The following CCDC25 variants were observed in gnomAD, a reference collection of about 807,000 sequenced individuals.
CCDC25 encodes coiled-coil domain-containing protein 25.
In CCDC25, 16 loss-of-function variants were observed where a neutral mutation model predicts 35.3. The observed-to-expected ratio is 0.45, with a 90% CI of 0.31 to 0.69. The LOEUF is 0.69. CCDC25 is among the 30% of genes least tolerant of loss of function. The pLI is 0.06. For synonymous variants in CCDC25, 79 were observed against 80.3 expected (o/e 0.98, Z 0.09); for missense variants, 179 against 250.7 (o/e 0.71, Z 1.93).
At chr8:27,738,896 T>G (rs1283281698) in intron 8 of CCDC25, among the ~76,000 whole-genome samples, 2 of 152,082 alleles carry the variant, frequency 1.3e-5, no homozygotes, top group Non-Finnish European at 2.9e-5. Context: ...ATCTCATCTT[T>G]TCATAATGAT....
In CCDC25 at chr8:27,772,623, C is replaced by T; in HGVS notation, c.-83G>A. 1 of 1,422,044 alleles carries T rather than the reference C, an allele frequency of 7.0e-7. No individual in the cohort carries two copies. The highest frequency in any genetic ancestry group is 9.6e-7 in the Non-Finnish European group (1 of 1,036,520). 88.1% of individuals were successfully genotyped at this position (1,422,044 alleles called of 1,614,324 possible). ...CTCAGGATACCAGACTCGCGGCGGC[C>T]GCCTGGCCCCCGGAACTCCTCCGTG... On this transcript the variant is annotated 5_prime_UTR_variant, in exon 1 of 9. Coordinates refer to ENST00000356537, the MANE Select transcript of CCDC25 (RefSeq NM_018246.3).
intron 3 of CCDC25, 146 bp downstream of exon 3, chr8:27,762,272 AT>A (rs1299555038): frequency 1.5e-6 from 1 of 686,618 alleles, no homozygotes; most frequent in African/African-American, 1.9e-5. Context: ...TTGCAAGGTA[AT>A]TAGAAATGAA....
At chr8:27,771,674 C>A (rs1398770470) in intron 1 of CCDC25, among the ~76,000 whole-genome samples, 1 of 152,146 alleles carries the variant, frequency 6.6e-6, no homozygotes, top group Non-Finnish European at 1.5e-5. Context: ...AAGCAGACAC[C>A]ATTTAATACC....
chr8:27,741,905 G>C (rs919242668), intron 7 of CCDC25, among the ~76,000 whole-genome samples: 2 of 152,124 alleles, frequency 1.3e-5, no homozygotes, highest in Non-Finnish European at 2.9e-5. Flanking sequence ...GAGATAAGAA[G>C]ATATGCCAGG....
intron 3 of CCDC25, among the ~76,000 whole-genome samples, chr8:27,759,487 T>TA (rs111992065): frequency 3.3e-5 from 5 of 151,782 alleles, no homozygotes; most frequent in African/African-American, 1.2e-4. Flanking sequence ...CGGGAGCCTG[T>TA]AGTCCCAGCT....
At chr8:27,749,549 G>A (rs185428487) in intron 5 of CCDC25, among the ~76,000 whole-genome samples, 71 of 152,302 alleles carry the variant, frequency 4.7e-4, no homozygotes, top group African/African-American at 1.7e-3. Flanking sequence ...CTGTGGGTTA[G>A]TAATCCCATT....
At chr8:27,760,761 A>G (rs975606787) in intron 3 of CCDC25, among the ~76,000 whole-genome samples, 1 of 152,208 alleles carries the variant, frequency 6.6e-6, no homozygotes, top group Non-Finnish European at 1.5e-5. Flanking sequence ...GTTTAACTTG[A>G]TGACATATTT....
rs369943638 is a variant in CCDC25 at position 27,748,147 on chromosome 8, C to G, written c.481G>C (p.Ala161Pro). ...CTCTTTTTCATTTCCTGAATTTGGG[C>G]TTTTTTCTCATTCCTCTCTTCACGA... Reference protein sequence around the residue: ...RDREERNEKKAQIQEMKKREK... With the variant: ...RDREERNEKKPQIQEMKKREK... The change falls in exon 7 of 9, where the codon GCC (alanine) becomes CCC (proline). Residue 161 changes from alanine (A) to proline (P), a missense_variant. Coordinates refer to ENST00000356537, the MANE Select transcript of CCDC25 (RefSeq NM_018246.3). 6.2e-7 allele frequency: 1 copy of G among 1,613,460 alleles called. No individual in the cohort carries two copies. The highest frequency in any genetic ancestry group is 1.7e-5 in the Admixed American group (1 of 59,944).
intron 8 of CCDC25, among the ~76,000 whole-genome samples, chr8:27,736,989 C>G (rs1452915383): frequency 1.3e-5 from 2 of 152,146 alleles, no homozygotes; most frequent in Non-Finnish European, 2.9e-5. Flanking sequence ...TATCTTTTTT[C>G]TCTTTCCCAT....
rs1804265048 is a variant in CCDC25 at position 27,762,578 on chromosome 8, A to G, written c.77-120T>C. 2.5e-5 allele frequency: 20 copies of G among 788,100 alleles called. No homozygotes were observed. The South Asian group carries it at 3.0e-4, about 12-fold the overall frequency. 48.8% of individuals were successfully genotyped at this position (788,100 alleles called of 1,614,324 possible). A position where few individuals can be genotyped will look rare whatever the true frequency, so the allele number is the denominator to read the frequency against. On this transcript the variant is annotated intron_variant, in intron 2 of 8. Transcript: ENST00000356537. ...AAATTTCTCTCTCCCTCAATGAAGA[A>G]GAGTAATTCGGAGGCCTTGATGCTT...
chr8:27,741,631 T>C (rs1049365992), intron 7 of CCDC25, among the ~76,000 whole-genome samples: 3 of 152,080 alleles, frequency 2.0e-5, no homozygotes, highest in Non-Finnish European at 2.9e-5. Context: ...TGAGCTGAGA[T>C]TGCACCACTG....
At chr8:27,763,545 C>T (rs1024953583) in intron 2 of CCDC25, among the ~76,000 whole-genome samples, 3 of 152,072 alleles carry the variant, frequency 2.0e-5, no homozygotes, top group Non-Finnish European at 4.4e-5. Context: ...TGGTGAAACC[C>T]CATCTCCACT....
chr8:27,747,322 T>C (rs553556787), intron 7 of CCDC25, among the ~76,000 whole-genome samples: 61 of 152,224 alleles, frequency 4.0e-4, no homozygotes, highest in African/African-American at 1.4e-3. Context: ...GCTGTGACCA[T>C]GGAAAGCTTG....
intron 1 of CCDC25, among the ~76,000 whole-genome samples, chr8:27,770,467 G>A (rs1201133698): frequency 2.0e-5 from 3 of 151,636 alleles, no homozygotes; most frequent in Admixed American, 2.0e-4. Context: ...ACCGGGCGCA[G>A]TGGCTCATGC....
chr8:27,761,365 T>G (rs1032348757), intron 3 of CCDC25, among the ~76,000 whole-genome samples: 9 of 152,176 alleles, frequency 5.9e-5, no homozygotes, highest in Admixed American at 5.2e-4. Flanking sequence ...GCAGACCCAG[T>G]CAGTTTCTCT....
intron 7 of CCDC25, among the ~76,000 whole-genome samples, chr8:27,743,302 C>T (rs1006057835): frequency 6.6e-6 from 1 of 152,230 alleles, no homozygotes; most frequent in Admixed American, 6.5e-5. Context: ...CCTTTACAAT[C>T]AGGTCAGCAA....
intron 8 of CCDC25, among the ~76,000 whole-genome samples, chr8:27,738,885 C>T (rs897632813): frequency 6.6e-6 from 1 of 152,126 alleles, no homozygotes. Context: ...GGATTAAACA[C>T]ATCTCATCTT....
intron 3 of CCDC25, among the ~76,000 whole-genome samples, chr8:27,758,040 T>G (rs764864545): frequency 8.5e-5 from 13 of 152,318 alleles, no homozygotes; most frequent in Non-Finnish European, 1.5e-4. Flanking sequence ...ATGCTTCCTG[T>G]ATAGCCTGCC....
chr8:27,765,972 C>T (rs1451704650), intron 1 of CCDC25, among the ~76,000 whole-genome samples: 1 of 152,218 alleles, frequency 6.6e-6, no homozygotes, highest in Non-Finnish European at 1.5e-5. Flanking sequence ...TATCCTAACT[C>T]AAATGGAATC....
Sources: allele counts gnomAD v4.1 joint callset (sites outside exome capture counted in the v4.1 genomes callset), GRCh38; gene constraint gnomAD v4.1.1; transcripts MANE v1.5; gene names NCBI Gene and HGNC (gene_info 2026-07-23, HGNC 2026-07-21).